Variants in SPG21 observed in about 807,000 individuals in gnomAD.
SPG21 encodes the protein SPG21 abhydrolase domain containing, maspardin, also known as maspardin.
In SPG21, 26 loss-of-function variants were observed where a neutral mutation model predicts 38.9. That is an observed-to-expected ratio of 0.67 (90% CI 0.49 to 0.93). SPG21 has a LOEUF of 0.93. SPG21 is among the 40% of genes least tolerant of loss of function. The probability of loss-of-function intolerance (pLI) is 0.00; values close to 1 mark genes in which losing one functional copy is unlikely to be tolerated. For synonymous variants in SPG21, 136 were observed against 128.9 expected (o/e 1.05, Z -0.37); for missense variants, 333 against 376.5 (o/e 0.88, Z 0.96).
At chr15:64,984,560 C>T (rs1373333691) in intron 1 of SPG21, among the ~76,000 whole-genome samples, 3 of 151,964 alleles carry the variant, frequency 2.0e-5, no homozygotes, top group Non-Finnish European at 2.9e-5. Context: ...CCTGTGTTGC[C>T]TGCACTGGTC....
intron 1 of SPG21, chr15:64,987,379 C>T (rs1406689351): frequency 2.0e-5 from 3 of 152,168 alleles, no homozygotes; most frequent in Non-Finnish European, 4.4e-5. Context: ...AAAAAAAGAT[C>T]ACTGCTGCAA....
chr15:64,970,092 A>G (rs775032002), intron 6 of SPG21, 22 bp downstream of exon 6: 5 of 1,574,596 alleles, frequency 3.2e-6, no homozygotes, highest in African/African-American at 1.3e-5. Context: ...ATGTGTCCCC[A>G]ACCCAATGTC....
chr15:64,965,575 C>T (rs1341951860), intron 7 of SPG21, 115 bp from the exon 8 acceptor site: 2 of 1,477,368 alleles, frequency 1.4e-6, no homozygotes, highest in Admixed American at 3.5e-5. Context: ...GGAAATGTTA[C>T]CCTAAGTATT....
At chr15:64,972,459 C>T (rs567601274) in intron 5 of SPG21, among the ~76,000 whole-genome samples, 7 of 152,182 alleles carry the variant, frequency 4.6e-5, no homozygotes, top group South Asian at 2.1e-4. Context: ...ATTATCTGGA[C>T]GGGAAGGATT....
chr15:64,968,504 A>G (rs1008465845), intron 7 of SPG21, among the ~76,000 whole-genome samples: 11 of 152,212 alleles, frequency 7.2e-5, no homozygotes, highest in African/African-American at 2.4e-4. Flanking sequence ...TTTTATAGAC[A>G]GAAAATAAAA....
chr15:64,968,672 TTAAAATG>T (rs376914160), intron 7 of SPG21, among the ~76,000 whole-genome samples: 47,754 of 152,036 alleles, frequency 0.31, 8,616 homozygotes, highest in South Asian at 0.49. Flanking sequence ...TTAAAAATGG[TTAAAATG>T]GCATATTTTA....
intron 1 of SPG21, chr15:64,988,944 T>C (rs1445497131): frequency 1.4e-5 from 2 of 139,936 alleles, no homozygotes; most frequent in Non-Finnish European, 3.0e-5. Flanking sequence ...ATGGCGCCAC[T>C]GCACTCCAGC....
At chr15:64,978,970 GAATC>G in intron 3 of SPG21, among the ~76,000 whole-genome samples, 1 of 152,250 alleles carries the variant, frequency 6.6e-6, no homozygotes, top group South Asian at 2.1e-4. Context: ...CACTGCATGT[GAATC>G]TACAATTACA....
rs1160657321 is a variant in SPG21, at chr15:64,970,133, A to G, written c.542T>C (p.Ile181Thr). The G allele has an allele frequency of 5.0e-6, 8 of 1,614,050 alleles. No individual in the cohort carries two copies. Among genetic ancestry groups the G allele is most frequent in the Admixed American group, 1.7e-5 (1 of 60,028 alleles). ...CCTTACCCTGTCTACCATGAAATCA[A>G]TGGCATCAGCCATCATAGGGTCCAC... is the stretch of plus-strand genomic sequence containing the variant. ...GPVDPMMADAIDFMVDRLESL... is the reference protein window; with the variant it reads ...GPVDPMMADATDFMVDRLESL... The change falls in exon 6 of 9, where the codon ATT becomes ACT. Residue 181 changes from isoleucine (I) to threonine (T), a missense_variant. Ile to Thr is a moderately conservative substitution (Grantham distance 89, BLOSUM62 -1). Transcript: ENST00000204566.
intron 5 of SPG21, among the ~76,000 whole-genome samples, chr15:64,973,993 CATAATA>C (rs66657570): frequency 2.0e-5 from 3 of 151,936 alleles, no homozygotes; most frequent in Admixed American, 1.3e-4. Context: ...ACTGTTTACA[CATAATA>C]ATAAGTGGGA....
chr15:64,977,538 T>C (rs901548215), intron 3 of SPG21, among the ~76,000 whole-genome samples: 1 of 151,996 alleles, frequency 6.6e-6, no homozygotes, highest in South Asian at 2.1e-4. Context: ...TTTATATGTA[T>C]ACTTTTTTGT....
rs181767092 is a variant in SPG21 at position 64,975,018 on chromosome 15, G to A, written c.307-271C>T. Among the ~76,000 whole-genome samples, 11 of 152,132 alleles carry A rather than the reference G, an allele frequency of 7.2e-5. No individual in the cohort carries two copies. The East Asian group carries it at 1.5e-3, about 21-fold the overall frequency. ...TAGAAAACAAAACCAGTCCAGGCAC[G>A]GTGGCTCACACCTGTAATCCCAGCA... On this transcript the variant is annotated intron_variant, in intron 4 of 8. Transcript: ENST00000204566.
chr15:64,988,321 A>G (rs1406134684), intron 1 of SPG21, among the ~76,000 whole-genome samples: 3 of 152,212 alleles, frequency 2.0e-5, no homozygotes, highest in African/African-American at 7.2e-5. Context: ...AGTCAACAAA[A>G]TCACCTTTAT....
At chr15:64,976,063 T>A (rs556336040) in intron 4 of SPG21, among the ~76,000 whole-genome samples, 7 of 152,268 alleles carry the variant, frequency 4.6e-5, no homozygotes, top group African/African-American at 1.7e-4. Context: ...CTGAAAAACA[T>A]GGAACTGTAT....
chr15:64,986,947 G>A (rs1425092241), intron 1 of SPG21, among the ~76,000 whole-genome samples: 1 of 152,072 alleles, frequency 6.6e-6, no homozygotes, highest in African/African-American at 2.4e-5. Flanking sequence ...ATAAAAACAT[G>A]TTTAGCAAAT....
In SPG21 at chr15:64,963,516, G is replaced by T; in HGVS notation, c.*104C>A. 1.1e-6 allele frequency: 1 copy of T among 887,302 alleles called. No individual in the cohort carries two copies. The allele number at this position is 887,302 out of a possible 1,614,324, so 55.0% of individuals were successfully genotyped here. A position where few individuals can be genotyped will look rare whatever the true frequency, so the allele number is the denominator to read the frequency against. ...TACTTCCCAGACACAGTGAGAACCG[G>T]TGAGCCTGACGAACCTGAAGGAAAA... is the stretch of plus-strand genomic sequence containing the variant. On this transcript the variant is annotated 3_prime_UTR_variant, in exon 9 of 9. Coordinates refer to ENST00000204566, the MANE Select transcript of SPG21 (RefSeq NM_016630.7).
chr15:64,971,517 C>A lies in SPG21; in HGVS notation c.453-1295G>T, dbSNP rs1200850524. ...TCGTGCCATGGCACTCCAGCCTGGG[C>A]GACAGAGCCAGACTCCGTCTCCAAA... On this transcript the variant is annotated intron_variant, in intron 5 of 8. Coordinates refer to ENST00000204566, the MANE Select transcript of SPG21 (RefSeq NM_016630.7). 2.7e-5 allele frequency among the ~76,000 whole-genome samples: 4 copies of A among 150,912 alleles called. No individual in the cohort carries two copies. The East Asian group carries it at 7.9e-4, about 30-fold the overall frequency.
At chr15:64,982,277 C>T (rs117502974) in intron 2 of SPG21, among the ~76,000 whole-genome samples, 3,535 of 151,576 alleles carry the variant, frequency 0.023, 161 homozygotes, top group East Asian at 0.21. Context: ...CCTGAGTGTC[C>T]GGGACTACAG....
rs572189831 is a variant in SPG21, at chr15:64,971,143, C to T, written c.453-921G>A. 7.2e-5 allele frequency among the ~76,000 whole-genome samples: 11 copies of T among 152,316 alleles called. No individual in the cohort carries two copies. In the East Asian group the frequency reaches 2.1e-3, roughly 29 times the overall value. On this transcript the variant is annotated intron_variant, in intron 5 of 8. Transcript: ENST00000204566. ...TATTGTGATCATAGCTCACTGTAGC[C>T]TCAAACTCCTATCAAGTGATCCTTC...
Sources: gnomAD v4.1 joint callset for allele counts (sites outside exome capture counted in the v4.1 genomes callset) on GRCh38, gnomAD v4.1.1 for gene constraint, MANE v1.5 for transcripts, NCBI Gene and HGNC (gene_info 2026-07-23, HGNC 2026-07-21) for gene names.